The following TTC34 variants were observed in gnomAD, a reference collection of about 807,000 sequenced individuals.
The protein encoded by TTC34 is tetratricopeptide repeat domain 34, also known as tetratricopeptide repeat protein 34.
TTC34 carries 44 observed loss-of-function variants against 40.7 expected under a neutral mutation model. The ratio of observed to expected loss-of-function variants is 1.08; its 90% CI spans 0.85 to 1.39. TTC34 has a LOEUF of 1.39. Among genes scored for constraint, TTC34 ranks in the 40% most tolerant of loss-of-function variants. TTC34 has a pLI of 0.00. For missense variants in TTC34, 884 were observed against 838.0 expected, an observed-to-expected ratio of 1.05 and a Z score of -0.68; for synonymous variants, 422 against 398.6, an observed-to-expected ratio of 1.06 and a Z score of -0.70.
rs1165291513 is a variant in TTC34, at chr1:2,694,654, T to A, written c.2227-49091A>T. Among the ~76,000 whole-genome samples, 2 of 82,792 alleles carry A rather than the reference T, an allele frequency of 2.4e-5. 1 individual carries two copies. The highest frequency in any genetic ancestry group is 6.8e-4 in the South Asian group (2 of 2,944). The allele number at this position is 82,792 out of a possible 152,430, so 54.3% of individuals were successfully genotyped here. A position where few individuals can be genotyped will look rare whatever the true frequency, so the allele number is the denominator to read the frequency against. ...ACCTCCCGGCGAGCATCTGACGGCC[T>A]GGAACAGCACACACACCGCCAGGTG... is the stretch of plus-strand genomic sequence containing the variant. On this transcript the variant is annotated intron_variant, in intron 6 of 8. Transcript: ENST00000401095.
intron 6 of TTC34, among the ~76,000 whole-genome samples, chr1:2,755,582 C>A (rs1641476660): frequency 1.7e-5 from 2 of 114,902 alleles, no homozygotes; most frequent in Non-Finnish European, 3.4e-5. Flanking sequence ...AGCACCCACA[C>A]CTCCCGGCGA....
rs1430042531 is a variant in TTC34, at chr1:2,750,865, C to G, written c.2226+32744G>C. On this transcript the variant is annotated intron_variant, in intron 6 of 8. Transcript: ENST00000401095. ...CCCACACACCCAGGTGAGCATCTGA[C>G]AGCGTGGAGCAGCACCCAAACCCCC... Among the ~76,000 whole-genome samples, 5 of 82,330 alleles carry G rather than the reference C, an allele frequency of 6.1e-5. 2 individuals carry two copies. Among genetic ancestry groups the G allele is most frequent in the African/African-American group, 9.6e-5 (2 of 20,938 alleles). 54.0% of individuals were successfully genotyped at this position (82,330 alleles called of 152,430 possible).
At position 2,677,913 on chromosome 1, in the gene TTC34, C is replaced by A. The variant is rs1325426973; in HGVS notation, c.2227-32350G>T. Among the ~76,000 whole-genome samples the A allele has an allele frequency of 1.0e-4, 4 of 39,130 alleles. 1 individual carries two copies. Among genetic ancestry groups the A allele is most frequent in the African/African-American group, 3.5e-4 (2 of 5,780 alleles). The allele number at this position is 39,130 out of a possible 152,430, so 25.7% of individuals were successfully genotyped here. A position where few individuals can be genotyped will look rare whatever the true frequency, so the allele number is the denominator to read the frequency against. ...ACACCCCCAGGCGAGCATCTGACAGCCTGGAGCAGCACCCTGCACCCCCAG... is the reference window on the plus strand; with the variant it reads ...ACACCCCCAGGCGAGCATCTGACAGACTGGAGCAGCACCCTGCACCCCCAG... On this transcript the variant is annotated intron_variant, in intron 6 of 8. Transcript: ENST00000401095.
At chr1:2,799,156 G>C (rs928852778) in intron 2 of TTC34, among the ~76,000 whole-genome samples, 4 of 117,834 alleles carry the variant, frequency 3.4e-5, no homozygotes, top group Admixed American at 8.1e-5. Flanking sequence ...CTAGCCTCCC[G>C]GCCCCCCAGC....
rs1377746072 is a variant in TTC34, at chr1:2,683,797, C to G, written c.2227-38234G>C. ...CAGGCTGGAGCAGCACGCACACCCCCAGTTGAGCATCTGACAGCCGGGAAC... is the reference window on the plus strand; with the variant it reads ...CAGGCTGGAGCAGCACGCACACCCCGAGTTGAGCATCTGACAGCCGGGAAC... On this transcript the variant is annotated intron_variant, in intron 6 of 8. Transcript: ENST00000401095. Among the ~76,000 whole-genome samples, 253 of 143,408 alleles carry G rather than the reference C, an allele frequency of 1.8e-3. 1 individual carries two copies. Among genetic ancestry groups the G allele is most frequent in the African/African-American group, 4.4e-3 (167 of 37,742 alleles). 94.1% of individuals were successfully genotyped at this position (143,408 alleles called of 152,430 possible).
At chr1:2,793,743 G>C (rs1463371135) in intron 2 of TTC34, among the ~76,000 whole-genome samples, 1 of 152,042 alleles carries the variant, frequency 6.6e-6, no homozygotes, top group East Asian at 1.9e-4. Flanking sequence ...GATCGACGTG[G>C]GTCCACTTCT....
At chr1:2,685,007 A>T (rs1640260417) in intron 6 of TTC34, among the ~76,000 whole-genome samples, 1 of 144,982 alleles carries the variant, frequency 6.9e-6, no homozygotes, top group African/African-American at 2.7e-5. Context: ...CCCCCAGGCG[A>T]GCATCTGACA....
chr1:2,758,210 T>G (rs1400209808), intron 6 of TTC34, among the ~76,000 whole-genome samples: 418 of 102,950 alleles, frequency 4.1e-3, no homozygotes, highest in African/African-American at 9.4e-3. Flanking sequence ...GGTGAGCAAC[T>G]GACACCCTGG....
intron 6 of TTC34, among the ~76,000 whole-genome samples, chr1:2,761,361 C>G (rs1641679743): frequency 1.4e-5 from 1 of 69,812 alleles, no homozygotes; most frequent in Non-Finnish European, 2.5e-5. Flanking sequence ...GCAGCACCCA[C>G]ACCCCTAGGC....
Position 2,787,615 on chromosome 1 carries a change from A to T in TTC34, c.1720T>A (p.Tyr574Asn), listed in dbSNP as rs1197047531. Residue 574 changes from tyrosine (Y) to asparagine (N), a missense_variant, in exon 4 of 9, where the codon TAC becomes AAC. Coordinates refer to ENST00000401095, the Ensembl canonical transcript of TTC34. ...GTCTCCTCCAGGCGGCCCAGGCGGT[A>T]CAGGGCATCAGCCGCCAGGAGGCGA... 1.2e-5 allele frequency: 19 copies of T among 1,550,008 alleles called. No homozygotes were observed. In the South Asian group the frequency reaches 1.4e-4, roughly 12 times the overall value.
chr1:2,692,341 C>T (rs113268628), intron 6 of TTC34, among the ~76,000 whole-genome samples: 1 of 75,550 alleles, frequency 1.3e-5, no homozygotes, highest in East Asian at 3.1e-4. Context: ...GCAGCGCCCA[C>T]ACACCGAGGT....
rs1180276885 is a variant in TTC34 at position 2,749,754 on chromosome 1, A to C, written c.2226+33855T>G. 9.7e-5 allele frequency among the ~76,000 whole-genome samples: 6 copies of C among 61,908 alleles called. 2 individuals carry two copies. Among genetic ancestry groups the C allele is most frequent in the Non-Finnish European group, 1.8e-4 (6 of 33,882 alleles). 40.6% of individuals were successfully genotyped at this position (61,908 alleles called of 152,430 possible). On this transcript the variant is annotated intron_variant, in intron 6 of 8. Coordinates refer to ENST00000401095, the Ensembl canonical transcript of TTC34. Reference sequence around the variant, plus strand: ...AGGTGAGCATCTGACAGACTGGAACAGCTCCCACACCCCCAGGCGAGCATC... The same window carrying C: ...AGGTGAGCATCTGACAGACTGGAACCGCTCCCACACCCCCAGGCGAGCATC...
chr1:2,791,267 C>T (rs1486486081), intron 2 of TTC34, among the ~76,000 whole-genome samples: 3 of 152,188 alleles, frequency 2.0e-5, no homozygotes, highest in East Asian at 1.9e-4. Flanking sequence ...GGGGATACTC[C>T]GTGCTGGGCG....
intron 6 of TTC34, among the ~76,000 whole-genome samples, chr1:2,698,457 G>A (rs1202520241): frequency 1.8e-5 from 2 of 113,018 alleles, no homozygotes; most frequent in East Asian, 2.5e-4. Flanking sequence ...CCCCAGGTGG[G>A]CATGTGACAG....
At chr1:2,688,341 C>G (rs1569571563) in intron 6 of TTC34, among the ~76,000 whole-genome samples, 3 of 144,512 alleles carry the variant, frequency 2.1e-5, no homozygotes, top group African/African-American at 5.3e-5. Context: ...CCCAGGTGAG[C>G]ATCGGACAGC....
Position 2,656,101 on chromosome 1 carries a change from G to A in TTC34, c.2227-10538C>T, listed in dbSNP as rs573276164. On this transcript the variant is annotated intron_variant, in intron 6 of 8. Transcript: ENST00000401095. Reference sequence around the variant, plus strand: ...TCTGGAGCAGCACCCACACACAGAGGTGAGCATCTGAGAGCCTGGAACAGA... The same window carrying A: ...TCTGGAGCAGCACCCACACACAGAGATGAGCATCTGAGAGCCTGGAACAGA... Among the ~76,000 whole-genome samples, 9 of 152,276 alleles carry A rather than the reference G, an allele frequency of 5.9e-5. No individual in the cohort carries two copies. In the South Asian group the frequency reaches 1.7e-3, roughly 28 times the overall value.
chr1:2,753,453 G>T (rs1641394661), intron 6 of TTC34, among the ~76,000 whole-genome samples: 1 of 70,798 alleles, frequency 1.4e-5, no homozygotes, highest in Non-Finnish European at 2.5e-5. Flanking sequence ...ACAGCAGCCT[G>T]CACCCCCAGG....
chr1:2,685,005 C>A (rs575094942), intron 6 of TTC34, among the ~76,000 whole-genome samples: 1 of 136,246 alleles, frequency 7.3e-6, no homozygotes, highest in African/African-American at 3.0e-5. Flanking sequence ...TACCCCCAGG[C>A]GAGCATCTGA....
intron 6 of TTC34, among the ~76,000 whole-genome samples, chr1:2,687,077 C>T (rs112658329): frequency 6.9e-6 from 1 of 145,220 alleles, no homozygotes; most frequent in African/African-American, 2.8e-5. Context: ...TGGAGCAGGA[C>T]CCACACCCCC....
Sources: allele counts gnomAD v4.1 joint callset (sites outside exome capture counted in the v4.1 genomes callset), GRCh38; gene constraint gnomAD v4.1.1; transcripts MANE v1.5; gene names NCBI Gene and HGNC (gene_info 2026-07-23, HGNC 2026-07-21).